RIMS2: variants seen among roughly 807,000 people sequenced by gnomAD.
RIMS2 encodes regulating synaptic membrane exocytosis protein 2.
Under a neutral mutation model 174.4 loss-of-function variants are expected in RIMS2, and 59 were observed. That is an observed-to-expected ratio of 0.34 (90% CI 0.27 to 0.42). The LOEUF is 0.42. Ranked by LOEUF, RIMS2 falls within the 10% of genes least tolerant of loss-of-function variation. RIMS2 has a pLI of 1.00. For missense variants in RIMS2, 1,620 were observed against 1,666.3 expected (o/e 0.97, Z 0.48); for synonymous variants, 606 against 572.5 (o/e 1.06, Z -0.84).
intron 3 of RIMS2, among the ~76,000 whole-genome samples, chr8:103,795,059 A>G (rs1343452905): frequency 6.6e-6 from 1 of 152,192 alleles, no homozygotes; most frequent in Non-Finnish European, 1.5e-5. Flanking sequence ...TAGAAATACC[A>G]TTTGACCGAG....
chr8:104,068,720 A>G (rs188491823), intron 19 of RIMS2, 108 bp downstream of exon 23: 147 of 627,116 alleles, frequency 2.3e-4, no homozygotes, highest in Non-Finnish European at 3.6e-4. Context: ...ATATAATGCC[A>G]TGGCCCCATG....
intron 19 of RIMS2, among the ~76,000 whole-genome samples, chr8:104,104,928 A>T (rs1186326559): frequency 6.6e-6 from 1 of 152,060 alleles, no homozygotes; most frequent in Non-Finnish European, 1.5e-5. Flanking sequence ...GTAAGATTTT[A>T]TGTAGATGCT....
At chr8:103,593,272 G>C (rs1156792366) in intron 1 of RIMS2, among the ~76,000 whole-genome samples, 1 of 151,440 alleles carries the variant, frequency 6.6e-6, no homozygotes. Flanking sequence ...GATATTGTAT[G>C]ATGTAATATG....
Position 103,812,339 on chromosome 8 carries a change from T to TTTTTG in RIMS2, c.698+45806_698+45807insGTTTT, listed in dbSNP as rs2098693254. ...TATTACCTTATTACCTTGTTTTTTTTTTTTTTTTTTTTTTTGTTGTTGTTT... is the reference window on the plus strand; with the variant it reads ...TATTACCTTATTACCTTGTTTTTTTTTTTTGTTTTTTTTTTTTTTTGTTGTTGTTT... On this transcript the variant is annotated intron_variant, in intron 3 of 23. Transcript: ENST00000504942. 2.0e-5 allele frequency among the ~76,000 whole-genome samples: 3 copies of TTTTTG among 146,702 alleles called. No individual in the cohort carries two copies. In the South Asian group the frequency reaches 6.7e-4, roughly 33 times the overall value.
chr8:104,049,113 C>A (rs1358741671), intron 19 of RIMS2, among the ~76,000 whole-genome samples: 1 of 143,396 alleles, frequency 7.0e-6, no homozygotes, highest in Non-Finnish European at 1.5e-5. Context: ...CAAATTACTT[C>A]TAGATTTTTC....
At chr8:103,666,600 A>C (rs1437164249) in intron 1 of RIMS2, among the ~76,000 whole-genome samples, 1 of 152,136 alleles carries the variant, frequency 6.6e-6, no homozygotes, top group Admixed American at 6.5e-5. Flanking sequence ...TTTTCAAGAG[A>C]GAAAAACATT....
intron 3 of RIMS2, among the ~76,000 whole-genome samples, chr8:103,815,746 A>C (rs1182199544): frequency 6.6e-6 from 1 of 152,208 alleles, no homozygotes; most frequent in Admixed American, 6.5e-5. Flanking sequence ...TAAAAGATAC[A>C]TGAACATAAT....
chr8:103,855,920 T>G (rs2099025095), intron 3 of RIMS2, among the ~76,000 whole-genome samples: 1 of 152,136 alleles, frequency 6.6e-6, no homozygotes, highest in Non-Finnish European at 1.5e-5. Context: ...GTTAGTTTTT[T>G]GCCTTGATGA....
At chr8:103,572,213 C>T (rs1248604752) in intron 1 of RIMS2, among the ~76,000 whole-genome samples, 10 of 152,074 alleles carry the variant, frequency 6.6e-5, no homozygotes, top group Non-Finnish European at 1.5e-4. Context: ...GTGCCGCGGA[C>T]CCAGAGTGAG....
intron 1 of RIMS2, chr8:103,568,850 G>A (rs1051935661): frequency 7.7e-6 from 9 of 1,161,664 alleles, no homozygotes; most frequent in Admixed American, 1.7e-5. Context: ...TAGCTGGCTG[G>A]TCTTTGTTAA....
At chr8:103,921,005 A>G (rs749756532) in intron 9 of RIMS2, 670 of 61,164 alleles carry the variant, frequency 0.011, 12 homozygotes, top group African/African-American at 0.05. Context: ...TCTCAAAGCA[A>G]CAACAACAAC....
At chr8:103,521,373 T>C (rs186118770) in intron 1 of RIMS2, among the ~76,000 whole-genome samples, 18 of 152,216 alleles carry the variant, frequency 1.2e-4, no homozygotes, top group Non-Finnish European at 2.6e-4. Context: ...TTTTTATATC[T>C]TCCTCTCTAT....
intron 19 of RIMS2, among the ~76,000 whole-genome samples, chr8:104,045,227 A>G (rs1248773219): frequency 1.3e-5 from 2 of 151,804 alleles, no homozygotes; most frequent in African/African-American, 4.8e-5. Flanking sequence ...CCACAATTAT[A>G]AGACCTTCAA....
At chr8:103,609,871 G>A (rs2095306398) in intron 1 of RIMS2, among the ~76,000 whole-genome samples, 1 of 152,206 alleles carries the variant, frequency 6.6e-6, no homozygotes, top group African/African-American at 2.4e-5. Context: ...TGTGAAGTAT[G>A]TCATTGGTAG....
At position 103,715,843 on chromosome 8, in the gene RIMS2, A is replaced by G. The variant is rs2097361904; in HGVS notation, c.387+18547A>G. On this transcript the variant is annotated intron_variant, in intron 2 of 23. Transcript: ENST00000504942. ...CAGAAACAATATGTGTAATTCATGA[A>G]AATTACATTTTATCTACTTTTGATA... 2.0e-5 allele frequency among the ~76,000 whole-genome samples: 3 copies of G among 152,150 alleles called. No individual in the cohort carries two copies. The South Asian group carries it at 6.2e-4, about 32-fold the overall frequency.
chr8:104,037,961 G>A (rs915324178), intron 19 of RIMS2, among the ~76,000 whole-genome samples: 1 of 151,972 alleles, frequency 6.6e-6, no homozygotes, highest in Non-Finnish European at 1.5e-5. Flanking sequence ...TGTCACAGTT[G>A]CCTATAGTAT....
intron 1 of RIMS2, among the ~76,000 whole-genome samples, chr8:103,502,683 T>A (rs1008959249): frequency 6.6e-6 from 1 of 152,082 alleles, no homozygotes; most frequent in East Asian, 1.9e-4. Context: ...TGACTTGCAG[T>A]TTGATATTTA....
At chr8:103,694,240 G>A (rs891760586) in intron 1 of RIMS2, among the ~76,000 whole-genome samples, 10 of 152,168 alleles carry the variant, frequency 6.6e-5, no homozygotes, top group African/African-American at 2.4e-4. Context: ...ATGCTAACAT[G>A]TTGCTGTGTT....
At chr8:104,116,788 TA>T (rs1217074368) in intron 19 of RIMS2, among the ~76,000 whole-genome samples, 19 of 152,178 alleles carry the variant, frequency 1.2e-4, no homozygotes, top group Admixed American at 3.3e-4. Flanking sequence ...AAGATGTCTT[TA>T]AAAAAACATA....
Sources: allele counts gnomAD v4.1 joint callset (sites outside exome capture counted in the v4.1 genomes callset), GRCh38; gene constraint gnomAD v4.1.1; transcripts MANE v1.5; gene names NCBI Gene and HGNC (gene_info 2026-07-23, HGNC 2026-07-21).